The following STYXL1 variants were observed in gnomAD, a reference collection of about 807,000 sequenced individuals.
The protein encoded by STYXL1 is serine/threonine/tyrosine interacting like 1, also known as serine/threonine/tyrosine-interacting-like protein 1.
A neutral mutation model predicts 36.4 loss-of-function variants in STYXL1; 32 were observed. That is an observed-to-expected ratio of 0.88 (90% CI 0.66 to 1.18). STYXL1 has a LOEUF of 1.18. Among genes scored for constraint, STYXL1 ranks in the 50% most tolerant of loss-of-function variants. STYXL1 has a pLI of 0.00. For missense variants in STYXL1, 354 were observed against 394.1 expected (o/e 0.90, Z 0.86); for synonymous variants, 133 against 144.1 (o/e 0.92, Z 0.55).
chr7:75,999,374 T>C (rs1554565528), intron 8 of STYXL1, among the ~76,000 whole-genome samples: 1 of 151,650 alleles, frequency 6.6e-6, no homozygotes, highest in African/African-American at 2.4e-5. Flanking sequence ...AAGTAAAGAG[T>C]TGCTGTTTCA....
intron 1 of STYXL1, among the ~76,000 whole-genome samples, chr7:76,046,274 CTGTGTGTGTGTGTGTGTGTGTGTGTG>C (rs782245806): frequency 0.11 from 11,504 of 102,612 alleles, 780 homozygotes; most frequent in Middle Eastern, 0.19. Context: ...AGCTTATCTG[CTGTGTGTGTGTGTGTGTGTGTGTGTG>C]TGTGTGTGTG....
intron 5 of STYXL1, among the ~76,000 whole-genome samples, chr7:76,011,983 T>C (rs945955530): frequency 1.4e-4 from 21 of 152,212 alleles, no homozygotes; most frequent in African/African-American, 4.8e-4. Context: ...GACAAAGGGG[T>C]TTAATATCTG....
At chr7:76,005,868 A>C (rs35358310) in intron 5 of STYXL1, among the ~76,000 whole-genome samples, 3 of 23,342 alleles carry the variant, frequency 1.3e-4, no homozygotes, top group East Asian at 8.8e-4. Context: ...GAGAGGAGGA[A>C]GAGAGAGGAG....
chr7:76,012,252 G>C (rs1554572417), intron 5 of STYXL1, among the ~76,000 whole-genome samples: 2 of 152,162 alleles, frequency 1.3e-5, no homozygotes, highest in African/African-American at 4.8e-5. Flanking sequence ...AACTACAGGT[G>C]TGAGTCGCCA....
At chr7:76,028,609 A>C (rs1554578373) in intron 3 of STYXL1, 33 bp downstream of exon 3, 1 of 1,609,930 alleles carries the variant, frequency 6.2e-7, no homozygotes, top group Admixed American at 1.7e-5. Context: ...CAAGGTAGCC[A>C]GCCTGCCCCA....
chr7:76,000,529 G>A (rs2116739955), intron 8 of STYXL1: 1 of 465,912 alleles, frequency 2.1e-6, no homozygotes, highest in Non-Finnish European at 4.3e-6. Flanking sequence ...TGCGCCCAAG[G>A]TACAGGGAGA....
chr7:76,032,792 G>A (rs2116353671), intron 1 of STYXL1, among the ~76,000 whole-genome samples: 1 of 152,272 alleles, frequency 6.6e-6, no homozygotes, highest in Middle Eastern at 3.4e-3. Flanking sequence ...AATGGGAAAA[G>A]GGTTGTCTGA....
intron 3 of STYXL1, among the ~76,000 whole-genome samples, chr7:76,022,475 C>T (rs1438287966): frequency 6.8e-6 from 1 of 147,976 alleles, no homozygotes; most frequent in African/African-American, 2.5e-5. Flanking sequence ...GCCTGGACAA[C>T]AGCAAGATCC....
chr7:76,030,628 A>G, intron 1 of STYXL1, 101 bp from the exon 2 acceptor site: 2 of 704,596 alleles, frequency 2.8e-6, no homozygotes, highest in Non-Finnish European at 5.1e-6. Context: ...CATACCTTCA[A>G]GCAAAGATGA....
intron 1 of STYXL1, among the ~76,000 whole-genome samples, chr7:76,036,167 C>G (rs1795887443): frequency 6.7e-6 from 1 of 150,154 alleles, no homozygotes; most frequent in South Asian, 2.2e-4. Context: ...GTGGGATGAT[C>G]TCGGCTCACT....
intron 3 of STYXL1, among the ~76,000 whole-genome samples, chr7:76,024,948 C>CAAAAAAA (rs56728505): frequency 5.1e-4 from 37 of 72,380 alleles, no homozygotes; most frequent in South Asian, 1.5e-3. Flanking sequence ...GACTCTGTCT[C>CAAAAAAA]AAAAAAAAAA....
intron 1 of STYXL1, among the ~76,000 whole-genome samples, chr7:76,042,695 CT>C (rs1191276630): frequency 6.6e-6 from 1 of 152,012 alleles, no homozygotes; most frequent in Non-Finnish European, 1.5e-5. Flanking sequence ...TCATGAGCCA[CT>C]GCAGCCGGCC....
Position 76,032,257 on chromosome 7 carries a change from A to C in STYXL1, c.-4-1730T>G, listed in dbSNP as rs1265456596. Among the ~76,000 whole-genome samples, 4 of 151,940 alleles carry C rather than the reference A, an allele frequency of 2.6e-5. No homozygotes were observed. In the East Asian group the frequency reaches 7.7e-4, roughly 29 times the overall value. On this transcript the variant is annotated intron_variant, in intron 1 of 8. Coordinates refer to ENST00000359697, the MANE Select transcript of STYXL1 (RefSeq NM_001317785.2). ...AAAAAAAAAAATTCTTAAACTAGCC[A>C]GGTGTGGTGGCACATGCCTGTGGCC...
chr7:76,030,850 T>TG (rs1367216916), intron 1 of STYXL1, among the ~76,000 whole-genome samples: 1 of 57,084 alleles, frequency 1.8e-5, no homozygotes, highest in African/African-American at 7.6e-5. Flanking sequence ...CCATCTCTAC[T>TG]AAAAAAAAAA....
chr7:76,023,885 C>T (rs931519592), intron 3 of STYXL1, among the ~76,000 whole-genome samples: 1 of 152,082 alleles, frequency 6.6e-6, no homozygotes, highest in East Asian at 1.9e-4. Context: ...TGGTGGCACA[C>T]GCCTATAGTA....
At chr7:76,010,691 C>T (rs1792449196) in intron 5 of STYXL1, among the ~76,000 whole-genome samples, 1 of 152,128 alleles carries the variant, frequency 6.6e-6, no homozygotes, top group Non-Finnish European at 1.5e-5. Context: ...GACAGGTCCA[C>T]TCTGGGCCCT....
intron 4 of STYXL1, 41 bp downstream of exon 4, chr7:76,021,809 AG>A (rs782798102): frequency 1.4e-6 from 2 of 1,473,646 alleles, no homozygotes; most frequent in Non-Finnish European, 1.9e-6. Flanking sequence ...TTTGTTCAAT[AG>A]CCGTTAACTA....
At chr7:76,043,504 A>G (rs1314011489) in intron 1 of STYXL1, among the ~76,000 whole-genome samples, 1 of 151,924 alleles carries the variant, frequency 6.6e-6, no homozygotes, top group Admixed American at 6.6e-5. Flanking sequence ...GACCAATGGC[A>G]TGTGGTGGAG....
intron 5 of STYXL1, among the ~76,000 whole-genome samples, chr7:76,006,763 CAA>C (rs67192620): frequency 2.9e-4 from 38 of 129,994 alleles, no homozygotes; most frequent in Middle Eastern, 4.0e-3. Context: ...GACTCCGTCT[CAA>C]AAAAAAAAAA....
Sources: allele counts gnomAD v4.1 joint callset (sites outside exome capture counted in the v4.1 genomes callset), GRCh38; gene constraint gnomAD v4.1.1; transcripts MANE v1.5; gene names NCBI Gene and HGNC (gene_info 2026-07-23, HGNC 2026-07-21).